DPF3: variants seen among roughly 807,000 people sequenced by gnomAD.
DPF3 encodes zinc finger protein DPF3.
In DPF3, 18 loss-of-function variants were observed where a neutral mutation model predicts 56.8. The ratio of observed to expected loss-of-function variants is 0.32; its 90% CI spans 0.22 to 0.47. The LOEUF is 0.47. Ranked by LOEUF, DPF3 falls within the 20% of genes least tolerant of loss-of-function variation. The probability of loss-of-function intolerance (pLI) is 1.00; values close to 1 mark genes in which losing one functional copy is unlikely to be tolerated. For synonymous variants in DPF3, 188 were observed against 180.2 expected (o/e 1.04, Z -0.35); for missense variants, 403 against 488.8 (o/e 0.82, Z 1.65).
At chr14:72,837,762 GA>G (rs1017204382) in intron 1 of DPF3, among the ~76,000 whole-genome samples, 1 of 151,654 alleles carries the variant, frequency 6.6e-6, no homozygotes, top group Non-Finnish European at 1.5e-5. Context: ...AGAAAAGAAA[GA>G]AAAAAAAGAT....
intron 1 of DPF3, among the ~76,000 whole-genome samples, chr14:72,794,097 C>T (rs1000171374): frequency 6.6e-6 from 1 of 152,234 alleles, no homozygotes; most frequent in Non-Finnish European, 1.5e-5. Context: ...AGGTTTGAGT[C>T]CCAGCTCCTT....
intron 3 of DPF3, among the ~76,000 whole-genome samples, chr14:72,745,609 G>A (rs8007249): frequency 0.74 from 112,021 of 151,958 alleles, 41,456 homozygotes; most frequent in Middle Eastern, 0.86. Flanking sequence ...TACCAATTCC[G>A]TTGCAATGTG....
chr14:72,738,436 GAT>G (rs1889990175), intron 3 of DPF3, among the ~76,000 whole-genome samples: 1 of 152,130 alleles, frequency 6.6e-6, no homozygotes, highest in African/African-American at 2.4e-5. Flanking sequence ...GACACGCCAG[GAT>G]GGGTTACGGC....
chr14:72,879,723 G>C, intron 1 of DPF3: 1 of 1,442,746 alleles, frequency 6.9e-7, no homozygotes, highest in South Asian at 1.4e-5. Flanking sequence ...TGTGTGACAA[G>C]AGTCGTCTCT....
intron 1 of DPF3, among the ~76,000 whole-genome samples, chr14:72,800,615 T>C (rs1892845592): frequency 6.6e-6 from 1 of 152,026 alleles, no homozygotes; most frequent in African/African-American, 2.4e-5. Context: ...AATGCATGCA[T>C]GCACAGATGG....
At chr14:72,702,681 G>A (rs1036987552) in intron 6 of DPF3, among the ~76,000 whole-genome samples, 5 of 152,160 alleles carry the variant, frequency 3.3e-5, no homozygotes, top group African/African-American at 1.2e-4. Flanking sequence ...CCCCGAGCAG[G>A]GAGAAGCCCC....
chr14:72,649,840 A>G (rs192893745), intron 8 of DPF3, among the ~76,000 whole-genome samples: 4 of 152,350 alleles, frequency 2.6e-5, no homozygotes, highest in Non-Finnish European at 4.4e-5. Context: ...AATTTACTCA[A>G]GACAACCCAG....
chr14:72,731,674 C>G, intron 4 of DPF3, 133 bp downstream of exon 4: 1 of 1,275,236 alleles, frequency 7.8e-7, no homozygotes, highest in Non-Finnish European at 1.1e-6. Context: ...TCCTGGCCAC[C>G]ATAGAAACAA....
At chr14:72,734,458 G>A (rs1889804823) in intron 3 of DPF3, among the ~76,000 whole-genome samples, 1 of 152,158 alleles carries the variant, frequency 6.6e-6, no homozygotes, top group African/African-American at 2.4e-5. Flanking sequence ...CTACTCTAAA[G>A]CAATTAGTGT....
chr14:72,846,814 C>G (rs146728288), intron 1 of DPF3, among the ~76,000 whole-genome samples: 2,158 of 152,180 alleles, frequency 0.014, 44 homozygotes, highest in African/African-American at 0.049. Flanking sequence ...GACTATAGAC[C>G]ATCAACTAAA....
intron 1 of DPF3, among the ~76,000 whole-genome samples, chr14:72,879,289 A>G (rs532418879): frequency 3.3e-5 from 5 of 151,980 alleles, no homozygotes; most frequent in African/African-American, 1.2e-4. Context: ...AGGCCGAGAT[A>G]GGAGAATCGC....
chr14:72,755,860 G>A (rs1390586965), intron 2 of DPF3, among the ~76,000 whole-genome samples: 1 of 152,218 alleles, frequency 6.6e-6, no homozygotes, highest in Non-Finnish European at 1.5e-5. Context: ...AGGCTGACAG[G>A]CACCAGGGTT....
intron 1 of DPF3, 104 bp downstream of exon 1, chr14:72,893,953 G>A (rs1886881756): frequency 5.1e-6 from 7 of 1,368,200 alleles, no homozygotes; most frequent in African/African-American, 4.4e-5. Flanking sequence ...CGCGGCTGGA[G>A]GCGCCTGCAA....
In DPF3 at chr14:72,791,917, G is replaced by C. The variant is rs559298988; in HGVS notation, c.33-20024C>G. On this transcript the variant is annotated intron_variant, in intron 1 of 10. Coordinates refer to ENST00000556509, the MANE Select transcript of DPF3 (RefSeq NM_001280542.3). ...GACTCGAACCTAGTCCAGGCAGGCA[G>C]CTCAGAGATGCCAGCCACCCATGGC... Among the ~76,000 whole-genome samples, 7 of 152,330 alleles carry C rather than the reference G, an allele frequency of 4.6e-5. No individual in the cohort carries two copies. In the South Asian group the frequency reaches 1.4e-3, roughly 32 times the overall value.
intron 1 of DPF3, chr14:72,892,138 GAA>G: frequency 6.5e-7 from 1 of 1,531,686 alleles, no homozygotes; most frequent in East Asian, 2.4e-5. Flanking sequence ...TTCCCAGGAG[GAA>G]ACAAACCTGG....
chr14:72,844,612 TCA>T (rs1884676224), intron 1 of DPF3, among the ~76,000 whole-genome samples: 2 of 150,064 alleles, frequency 1.3e-5, no homozygotes, highest in Admixed American at 6.9e-5. Flanking sequence ...ATTTACATTT[TCA>T]CACACACTCA....
At chr14:72,623,113 C>T (rs1884566380) in intron 9 of DPF3, among the ~76,000 whole-genome samples, 1 of 152,136 alleles carries the variant, frequency 6.6e-6, no homozygotes, top group African/African-American at 2.4e-5. Context: ...TTCATATATA[C>T]ACACACATGT....
chr14:72,629,809 A>G (rs1233981516), intron 8 of DPF3, 73 bp from the exon 9 acceptor site: 1 of 1,214,446 alleles, frequency 8.2e-7, no homozygotes, highest in African/African-American at 1.5e-5. Context: ...CTCACTGGAA[A>G]CACATTGATG....
At chr14:72,750,791 CAAAAAA>C (rs35754238) in intron 3 of DPF3, among the ~76,000 whole-genome samples, 3 of 65,954 alleles carry the variant, frequency 4.5e-5, no homozygotes, top group African/African-American at 2.0e-4. Flanking sequence ...GAAAGAATCT[CAAAAAA>C]AAAAAAAAAA....
Sources: gnomAD v4.1 joint callset for allele counts (sites outside exome capture counted in the v4.1 genomes callset) on GRCh38, gnomAD v4.1.1 for gene constraint, MANE v1.5 for transcripts, NCBI Gene and HGNC (gene_info 2026-07-23, HGNC 2026-07-21) for gene names.